Variants in ZNF705G observed in about 807,000 individuals in gnomAD.
ZNF705G encodes putative zinc finger protein 705G.
Under a neutral mutation model 19.6 loss-of-function variants are expected in ZNF705G, and 23 were observed. That is an observed-to-expected ratio of 1.17 (90% CI 0.84 to 1.66). ZNF705G has a LOEUF of 1.66. ZNF705G is among the 40% of genes most tolerant of loss of function. The probability of loss-of-function intolerance (pLI) is 0.00; values close to 1 mark genes in which losing one functional copy is unlikely to be tolerated. For synonymous variants in ZNF705G, 146 were observed against 117.7 expected, an observed-to-expected ratio of 1.24 and a Z score of -1.56; for missense variants, 457 against 354.4, an observed-to-expected ratio of 1.29 and a Z score of -2.32.
At chr8:7,382,072 G>T (rs1807523984) in intron 1 of ZNF705G, among the ~76,000 whole-genome samples, 1 of 152,096 alleles carries the variant, frequency 6.6e-6, no homozygotes, top group Non-Finnish European at 1.5e-5. Context: ...AAACAGATCT[G>T]CTGAGCTACC....
chr8:7,378,962 G>A (rs1807364525), intron 2 of ZNF705G, among the ~76,000 whole-genome samples: 1 of 148,990 alleles, frequency 6.7e-6, no homozygotes, highest in Non-Finnish European at 1.5e-5. Flanking sequence ...GCCTACAACA[G>A]CCACTGAGTG....
At chr8:7,368,599 C>A (rs1370932109) in intron 2 of ZNF705G, among the ~76,000 whole-genome samples, 3 of 149,724 alleles carry the variant, frequency 2.0e-5, no homozygotes, top group Non-Finnish European at 2.9e-5. Flanking sequence ...AAGCAGGCTG[C>A]AGAAATTTGG....
At chr8:7,365,407 T>C (rs1585415666) in intron 2 of ZNF705G, among the ~76,000 whole-genome samples, 1 of 139,252 alleles carries the variant, frequency 7.2e-6, no homozygotes, top group Admixed American at 7.2e-5. Context: ...TGGCGGAGTA[T>C]CACTCTTGTT....
chr8:7,359,928 G>A (rs1266774366), intron 5 of ZNF705G, among the ~76,000 whole-genome samples: 4 of 149,304 alleles, frequency 2.7e-5, no homozygotes, highest in African/African-American at 1.0e-4. Flanking sequence ...GAGATATCAG[G>A]CAGGTAAAAA....
chr8:7,379,018 G>A lies in ZNF705G; in HGVS notation c.-72+2434C>T, dbSNP rs568989808. Reference sequence around the variant, plus strand: ...TTTCCTCCATTTAGACACAACTTTAGTGGCTTTGTGTGAAGAGATTCTCAT... The same window carrying A: ...TTTCCTCCATTTAGACACAACTTTAATGGCTTTGTGTGAAGAGATTCTCAT... On this transcript the variant is annotated intron_variant, in intron 2 of 6. Transcript: ENST00000400156. 3.3e-5 allele frequency among the ~76,000 whole-genome samples: 5 copies of A among 150,436 alleles called. No homozygotes were observed. The South Asian group carries it at 1.0e-3, about 31-fold the overall frequency.
At chr8:7,384,362 C>T (rs2128850092) in intron 1 of ZNF705G, among the ~76,000 whole-genome samples, 1 of 145,732 alleles carries the variant, frequency 6.9e-6, no homozygotes, top group East Asian at 1.9e-4. Flanking sequence ...TGTGTTTTAA[C>T]TAGGATCACC....
rs554684261 is a variant in ZNF705G at position 7,369,451 on chromosome 8, C to A, written c.-71-6434G>T. Among the ~76,000 whole-genome samples, 8 of 149,576 alleles carry A rather than the reference C, an allele frequency of 5.3e-5. 1 individual carries two copies. The highest frequency in any genetic ancestry group is 1.3e-4 in the African/African-American group (5 of 39,010). ...GAGAAGACAGCCACCATCCTCCAGA[C>A]CCGAGAATGGTAGATCCACTGTCAG... On this transcript the variant is annotated intron_variant, in intron 2 of 6. Transcript: ENST00000400156.
At position 7,362,717 on chromosome 8, in the gene ZNF705G, G is replaced by A. The variant is rs187844615; in HGVS notation, c.12+218C>T. Among the ~76,000 whole-genome samples, 14 of 149,530 alleles carry A rather than the reference G, an allele frequency of 9.4e-5. No homozygotes were observed. The South Asian group carries it at 1.5e-3, about 16-fold the overall frequency. On this transcript the variant is annotated intron_variant, in intron 3 of 6. Transcript: ENST00000400156. ...GATAATTTCGGAGTCTTTGACACAC[G>A]ATACCCAACCTAGAGTCCTGAGAAA...
rs1434081388 is a variant in ZNF705G at position 7,358,591 on chromosome 8, G to A, written c.319-31C>T. The A allele has an allele frequency of 6.2e-6, 10 of 1,605,996 alleles. No homozygotes were observed. In the Admixed American group the frequency reaches 1.0e-4, roughly 16 times the overall value. The stretch of plus-strand genomic sequence containing the variant: ...GGGCAAATATTAAAAGCTCTTAATG[G>A]TTTACCCACATATATCTATACATTC... On this transcript the variant is annotated intron_variant, in intron 6 of 6. Transcript: ENST00000400156.
intron 3 of ZNF705G, among the ~76,000 whole-genome samples, chr8:7,361,920 A>G (rs1316161915): frequency 6.7e-6 from 1 of 149,498 alleles, no homozygotes; most frequent in African/African-American, 2.6e-5. Flanking sequence ...TAATTCAGGT[A>G]TTCATGACAA....
chr8:7,362,713 A>C (rs1246083222), intron 3 of ZNF705G, among the ~76,000 whole-genome samples: 13 of 149,540 alleles, frequency 8.7e-5, no homozygotes, highest in Non-Finnish European at 1.6e-4. Context: ...AGTCTTTGAC[A>C]CACGATACCC....
intron 6 of ZNF705G, among the ~76,000 whole-genome samples, 200 bp downstream of exon 6, chr8:7,359,419 T>A (rs1168443758): frequency 6.7e-6 from 1 of 149,768 alleles, no homozygotes; most frequent in East Asian, 1.9e-4. Context: ...ATGCACTTGT[T>A]CTATTTTAGA....
intron 2 of ZNF705G, among the ~76,000 whole-genome samples, chr8:7,369,640 A>G (rs1807009459): frequency 6.7e-6 from 1 of 149,798 alleles, no homozygotes. Context: ...AAGACATGGA[A>G]TCAACCTAGA....
At chr8:7,384,296 A>G (rs1281297481) in intron 1 of ZNF705G, among the ~76,000 whole-genome samples, 9 of 141,986 alleles carry the variant, frequency 6.3e-5, no homozygotes, top group African/African-American at 2.1e-4. Context: ...TTGTCTCAGG[A>G]AAAAAAAAAA....
At chr8:7,385,344 GATAATAATA>G (rs1024743274) in intron 1 of ZNF705G, among the ~76,000 whole-genome samples, 145 bp downstream of exon 1, 1 of 147,990 alleles carries the variant, frequency 6.8e-6, no homozygotes, top group African/African-American at 2.6e-5. Context: ...TAATACTACT[GATAATAATA>G]ATAATAATAA....
At chr8:7,363,240 G>A (rs1325246332) in intron 2 of ZNF705G, among the ~76,000 whole-genome samples, 1 of 148,316 alleles carries the variant, frequency 6.7e-6, no homozygotes, top group Non-Finnish European at 1.5e-5. Flanking sequence ...TCTTGTGAAT[G>A]AGAACATCAA....
At chr8:7,369,431 G>C (rs1235577823) in intron 2 of ZNF705G, among the ~76,000 whole-genome samples, 1 of 149,440 alleles carries the variant, frequency 6.7e-6, no homozygotes, top group Non-Finnish European at 1.5e-5. Flanking sequence ...GCTCTGAGAA[G>C]ACAGCCACCA....
rs149720013 is a variant in ZNF705G at position 7,363,806 on chromosome 8, G to A, written c.-71-789C>T. On this transcript the variant is annotated intron_variant, in intron 2 of 6. Coordinates refer to ENST00000400156, the MANE Select transcript of ZNF705G (RefSeq NM_001164457.3). ...ACTGCACTCCAGCGAGGGTGACAGA[G>A]CGAGACTCTGTCTCAAAAAAAAAAA... is the stretch of plus-strand genomic sequence containing the variant. Among the ~76,000 whole-genome samples the A allele has an allele frequency of 4.0e-3, 591 of 149,124 alleles. 67 individuals are homozygous for A. Among genetic ancestry groups the A allele is most frequent in the African/African-American group, 0.015 (571 of 38,608 alleles).
At chr8:7,366,478 T>C (rs2128839900) in intron 2 of ZNF705G, among the ~76,000 whole-genome samples, 1 of 149,560 alleles carries the variant, frequency 6.7e-6, no homozygotes, top group East Asian at 1.9e-4. Context: ...TAAAATTAAA[T>C]TAAAATACAG....
Sources: gnomAD v4.1 joint callset for allele counts (sites outside exome capture counted in the v4.1 genomes callset) on GRCh38, gnomAD v4.1.1 for gene constraint, MANE v1.5 for transcripts, NCBI Gene and HGNC (gene_info 2026-07-23, HGNC 2026-07-21) for gene names.